The following TCF12 variants were observed in gnomAD, a reference collection of about 807,000 sequenced individuals.
The protein encoded by TCF12 is transcription factor 12.
Under a neutral mutation model 86.0 loss-of-function variants are expected in TCF12, and 45 were observed. That is an observed-to-expected ratio of 0.52 (90% CI 0.41 to 0.67). TCF12 has a LOEUF of 0.67. TCF12 is among the 30% of genes least tolerant of loss of function. TCF12 has a pLI of 0.00. For missense variants in TCF12, 881 were observed against 859.9 expected (o/e 1.02, Z -0.31); for synonymous variants, 330 against 299.6 (o/e 1.10, Z -1.05).
intron 3 of TCF12, among the ~76,000 whole-genome samples, chr15:57,002,858 G>T (rs529054786): frequency 1.3e-5 from 2 of 152,086 alleles, no homozygotes; most frequent in Non-Finnish European, 2.9e-5. Context: ...TTACATACTC[G>T]CACCTGCAAA....
At chr15:57,062,003 C>T (rs1485710668) in intron 3 of TCF12, among the ~76,000 whole-genome samples, 4 of 151,942 alleles carry the variant, frequency 2.6e-5, no homozygotes, top group East Asian at 3.9e-4. Flanking sequence ...GTCACCCAGG[C>T]TGGAGTGCAG....
intron 18 of TCF12, among the ~76,000 whole-genome samples, chr15:57,263,899 G>A (rs879453652): frequency 2.0e-5 from 3 of 152,134 alleles, no homozygotes; most frequent in Non-Finnish European, 4.4e-5. Context: ...CATGAATAGA[G>A]CTTGCAGGAC....
At chr15:57,226,155 T>C (rs1267018207) in intron 8 of TCF12, among the ~76,000 whole-genome samples, 3 of 151,890 alleles carry the variant, frequency 2.0e-5, no homozygotes, top group African/African-American at 7.2e-5. Flanking sequence ...TTTTTTAATA[T>C]AGGGTTTGAC....
intron 8 of TCF12, among the ~76,000 whole-genome samples, chr15:57,198,761 C>CT (rs36077981): frequency 0.7 from 106,069 of 151,928 alleles, 38,059 homozygotes; most frequent in East Asian, 0.82. Flanking sequence ...TTTGGCAGTA[C>CT]TTAACCCATG....
chr15:57,080,844 C>G (rs1345519009), intron 4 of TCF12, among the ~76,000 whole-genome samples: 6 of 152,184 alleles, frequency 3.9e-5, no homozygotes, highest in African/African-American at 1.4e-4. Flanking sequence ...CAACTACTGG[C>G]TCTGACGCTG....
chr15:57,071,961 G>A (rs550518878), intron 4 of TCF12, among the ~76,000 whole-genome samples: 1 of 152,122 alleles, frequency 6.6e-6, no homozygotes, highest in Non-Finnish European at 1.5e-5. Flanking sequence ...ACGAGATAAG[G>A]CAGGTTAACA....
rs55707134 is a variant in TCF12, at chr15:56,958,678, A to AGTGTGTGTGT, written c.148+37608_148+37617dup. ...ATATGAGAAAGAGAGAGAGAGAGAG[A>AGTGTGTGTGT]GTGTGTGTGTGTGTGTGTGTGTGTG... On this transcript the variant is annotated intron_variant, in intron 3 of 20. Coordinates refer to ENST00000333725, the MANE Select transcript of TCF12 (RefSeq NM_207037.2). 8.9e-4 allele frequency among the ~76,000 whole-genome samples: 127 copies of AGTGTGTGTGT among 142,250 alleles called. 1 individual carries two copies. The highest frequency in any genetic ancestry group is 5.3e-3 in the East Asian group (26 of 4,912). 93.3% of individuals were successfully genotyped at this position (142,250 alleles called of 152,430 possible). A position where few individuals can be genotyped will look rare whatever the true frequency, so the allele number is the denominator to read the frequency against.
chr15:57,056,391 C>T (rs1039917337), intron 3 of TCF12, among the ~76,000 whole-genome samples: 7 of 152,252 alleles, frequency 4.6e-5, no homozygotes, highest in African/African-American at 1.7e-4. Flanking sequence ...ATCCACCTGC[C>T]TCAGCCTCCC....
chr15:57,276,785 CTTTTTTTTTTCT>C (rs2061415548), intron 19 of TCF12, among the ~76,000 whole-genome samples: 2 of 141,394 alleles, frequency 1.4e-5, no homozygotes, highest in Non-Finnish European at 3.1e-5. Flanking sequence ...ACCTAGAATT[CTTTTTTTTTTCT>C]TTTTTTTTTC....
intron 5 of TCF12, among the ~76,000 whole-genome samples, chr15:57,112,155 T>G (rs917286885): frequency 1.3e-5 from 2 of 152,180 alleles, no homozygotes; most frequent in Non-Finnish European, 2.9e-5. Flanking sequence ...TCCAGAAACA[T>G]GAGCCTGCTG....
chr15:57,129,105 G>A (rs13379847), intron 5 of TCF12, among the ~76,000 whole-genome samples: 37,610 of 152,080 alleles, frequency 0.25, 5,483 homozygotes, highest in East Asian at 0.4. Context: ...GGAACTGCCA[G>A]GCTTTTTCCC....
chr15:57,076,097 C>G (rs555056155), intron 4 of TCF12, among the ~76,000 whole-genome samples: 1 of 151,638 alleles, frequency 6.6e-6, no homozygotes, highest in East Asian at 2.0e-4. Context: ...CTCAAGTGAT[C>G]CTCCTGCCTT....
intron 3 of TCF12, among the ~76,000 whole-genome samples, chr15:56,963,226 A>C (rs548600364): frequency 3.4e-4 from 52 of 152,148 alleles, no homozygotes; most frequent in East Asian, 7.7e-4. Flanking sequence ...AATTTTTTCA[A>C]CTTGGGAATG....
chr15:57,168,570 C>CT (rs1318812709), intron 6 of TCF12, among the ~76,000 whole-genome samples: 4 of 152,018 alleles, frequency 2.6e-5, no homozygotes, highest in African/African-American at 9.7e-5. Flanking sequence ...AGAACTCATT[C>CT]TTTTTTATGA....
chr15:56,920,714 T>G (rs2059753896), intron 2 of TCF12, among the ~76,000 whole-genome samples: 1 of 152,190 alleles, frequency 6.6e-6, no homozygotes, highest in Non-Finnish European at 1.5e-5. Flanking sequence ...TGAGATATAA[T>G]GTAAATGTAA....
At chr15:57,041,009 T>C (rs2066861729) in intron 3 of TCF12, among the ~76,000 whole-genome samples, 1 of 152,208 alleles carries the variant, frequency 6.6e-6, no homozygotes, top group Non-Finnish European at 1.5e-5. Context: ...GATTAACTTA[T>C]GTGAATCTAT....
chr15:57,205,998 T>C (rs1422722602), intron 8 of TCF12, among the ~76,000 whole-genome samples: 1 of 152,216 alleles, frequency 6.6e-6, no homozygotes, highest in Non-Finnish European at 1.5e-5. Flanking sequence ...GCATTTCATT[T>C]ACAGGTAGCT....
At chr15:57,197,733 GTATATTATGC>G in intron 7 of TCF12, 30 bp from the exon 8 acceptor site, 1 of 1,599,462 alleles carries the variant, frequency 6.3e-7, no homozygotes, top group Non-Finnish European at 8.5e-7. Context: ...TTTTTTTCTG[GTATATTATGC>G]TGAAGAAATG....
At chr15:57,059,803 CAAAAAAA>C (rs10717631) in intron 3 of TCF12, among the ~76,000 whole-genome samples, 3 of 94,238 alleles carry the variant, frequency 3.2e-5, no homozygotes, top group African/African-American at 4.3e-5. Flanking sequence ...CTCCTCCCAC[CAAAAAAA>C]AAAAAAAAAA....
Sources: gnomAD v4.1 joint callset for allele counts (sites outside exome capture counted in the v4.1 genomes callset) on GRCh38, gnomAD v4.1.1 for gene constraint, MANE v1.5 for transcripts, NCBI Gene and HGNC (gene_info 2026-07-23, HGNC 2026-07-21) for gene names.